Variants in PRKAR2A observed in about 807,000 individuals in gnomAD.
PRKAR2A encodes the protein cAMP-dependent protein kinase type II-alpha regulatory subunit.
In PRKAR2A, 29 loss-of-function variants were observed where a neutral mutation model predicts 51.9. The ratio of observed to expected loss-of-function variants is 0.56; its 90% CI spans 0.42 to 0.76. The LOEUF (loss-of-function observed/expected upper bound fraction) is 0.76, where lower values mean the gene tolerates loss of function less well. PRKAR2A is among the 30% of genes least tolerant of loss of function. PRKAR2A has a pLI of 0.00. For missense variants in PRKAR2A, 445 were observed against 512.1 expected (o/e 0.87, Z 1.26); for synonymous variants, 178 against 186.2 (o/e 0.96, Z 0.36).
Position 48,751,616 on chromosome 3 carries a change from G to C in PRKAR2A, c.1184C>G (p.Ser395Cys). Reference sequence around the variant, plus strand: ...CCCGAGGTTGCCCAGATCCACGCTGGAGCCAAACATCTTCACCAGCTGTTC... The same window carrying C: ...CCCGAGGTTGCCCAGATCCACGCTGCAGCCAAACATCTTCACCAGCTGTTC... ...YEEQLVKMFG[S>C]SVDLGNLGQ is the part of the protein sequence containing the mutation. The change falls in exon 11 of 11, where the codon TCC (serine) becomes TGC (cysteine). Residue 395 changes from serine to cysteine, a missense_variant. By Grantham distance (112) the Ser-to-Cys change is moderately radical (BLOSUM62 -1). Transcript: ENST00000265563. The C allele has an allele frequency of 5.0e-6, 8 of 1,613,406 alleles. No individual in the cohort carries two copies. The highest frequency in any genetic ancestry group is 6.8e-6 in the Non-Finnish European group (8 of 1,179,668).
At chr3:48,810,824 GGTACAGTTATA>G (rs2082759177) in intron 1 of PRKAR2A, among the ~76,000 whole-genome samples, 1 of 151,992 alleles carries the variant, frequency 6.6e-6, no homozygotes, top group Admixed American at 6.6e-5. Context: ...AGGGAATATT[GGTACAGTTATA>G]GTACAAACCT....
At position 48,765,114 on chromosome 3, in the gene PRKAR2A, C is replaced by A. The variant is rs778440809; in HGVS notation, c.799-36G>T. 2.5e-5 allele frequency: 40 copies of A among 1,600,238 alleles called. 1 individual carries two copies. Among genetic ancestry groups the A allele is most frequent in the Non-Finnish European group, 3.3e-5 (39 of 1,167,754 alleles). ...AAATTCACAAATAAAAGGAAAAGAC[C>A]TTAATTGAAAGTCACAATAGCTATG... is the stretch of plus-strand genomic sequence containing the variant. On this transcript the variant is annotated intron_variant, in intron 7 of 10. Transcript: ENST00000265563.
chr3:48,782,905 T>C (rs1411913973), intron 5 of PRKAR2A, 81 bp downstream of exon 5: 2 of 1,045,176 alleles, frequency 1.9e-6, no homozygotes, highest in African/African-American at 3.1e-5. Flanking sequence ...CTGGGCTGAA[T>C]ACAGAATAGG....
intron 6 of PRKAR2A, 101 bp downstream of exon 6, chr3:48,772,853 AG>A: frequency 8.1e-7 from 1 of 1,237,696 alleles, no homozygotes; most frequent in South Asian, 2.0e-5. Context: ...CGTGTTAGCC[AG>A]GATGGCTGTA....
chr3:48,778,814 G>A (rs532862042), intron 5 of PRKAR2A, among the ~76,000 whole-genome samples: 2 of 146,754 alleles, frequency 1.4e-5, no homozygotes, highest in South Asian at 4.3e-4. Flanking sequence ...CACGGTGCTC[G>A]GCCTGCATTT....
At chr3:48,769,478 G>C (rs969304005) in intron 6 of PRKAR2A, among the ~76,000 whole-genome samples, 1 of 149,708 alleles carries the variant, frequency 6.7e-6, no homozygotes, top group Non-Finnish European at 1.5e-5. Flanking sequence ...CTCTTACAGC[G>C]ACTTTTTTTT....
intron 3 of PRKAR2A, among the ~76,000 whole-genome samples, chr3:48,791,710 G>A (rs1445883454): frequency 6.8e-6 from 1 of 148,050 alleles, no homozygotes; most frequent in East Asian, 2.0e-4. Flanking sequence ...TTCGAAACCA[G>A]CCTGACCAAC....
At chr3:48,797,145 C>T (rs2082507959) in intron 2 of PRKAR2A, among the ~76,000 whole-genome samples, 1 of 151,790 alleles carries the variant, frequency 6.6e-6, no homozygotes, top group Non-Finnish European at 1.5e-5. Context: ...CATACCACTC[C>T]CAATTTATTT....
rs559898868 is a variant in PRKAR2A, at chr3:48,756,715, C to CTTCA, written c.874-275_874-272dup. 2.5e-3 allele frequency among the ~76,000 whole-genome samples: 387 copies of CTTCA among 152,326 alleles called. 2 individuals are homozygous for CTTCA. The highest frequency in any genetic ancestry group is 8.4e-3 in the African/African-American group (351 of 41,576). Reference sequence around the variant, plus strand: ...ATACGCGAAGCAGCTTTCAGGCACACTTCAGTTTCTGACCCCTCACTATTA... The same window carrying CTTCA: ...ATACGCGAAGCAGCTTTCAGGCACACTTCATTCAGTTTCTGACCCCTCACTATTA... On this transcript the variant is annotated intron_variant, in intron 8 of 10. Transcript: ENST00000265563.
intron 2 of PRKAR2A, among the ~76,000 whole-genome samples, chr3:48,800,909 G>A (rs1011270260): frequency 2.6e-5 from 4 of 152,086 alleles, no homozygotes; most frequent in South Asian, 2.1e-4. Flanking sequence ...TCCCGACCTC[G>A]TGATCCACCC....
Position 48,746,681 on chromosome 3 carries a change from T to G in PRKAR2A, c.*4904A>C, listed in dbSNP as rs1264369687. 6.6e-6 allele frequency: 1 copy of G among 152,228 alleles called. No homozygotes were observed. Among genetic ancestry groups the G allele is most frequent in the African/African-American group, 2.4e-5 (1 of 41,460 alleles). The allele number at this position is 152,228 out of a possible 1,614,324, so 9.4% of individuals were successfully genotyped here. ...CATCAACCTTGTTTATGGCAAACAG[T>G]GACTTAATTCTTAATGACTGTTCAT... On this transcript the variant is annotated 3_prime_UTR_variant, in exon 11 of 11. Transcript: ENST00000265563.
rs550986733 is a variant in PRKAR2A, at chr3:48,815,862, T to C, written c.263-8178A>G. On this transcript the variant is annotated intron_variant, in intron 1 of 10. Coordinates refer to ENST00000265563, the MANE Select transcript of PRKAR2A (RefSeq NM_004157.4). ...GGTGAAACCCCATCTCTACTAAAAATAAAAAAATTAGCTGGGCGTGGTGGC... is the reference window on the plus strand; with the variant it reads ...GGTGAAACCCCATCTCTACTAAAAACAAAAAAATTAGCTGGGCGTGGTGGC... Among the ~76,000 whole-genome samples, 13 of 139,390 alleles carry C rather than the reference T, an allele frequency of 9.3e-5. No individual in the cohort carries two copies. In the Middle Eastern group the frequency reaches 0.022, roughly 233 times the overall value. 91.4% of individuals were successfully genotyped at this position (139,390 alleles called of 152,430 possible).
chr3:48,842,390 C>T (rs897139495), intron 1 of PRKAR2A, among the ~76,000 whole-genome samples: 5 of 152,158 alleles, frequency 3.3e-5, no homozygotes, highest in Admixed American at 6.6e-5. Context: ...CTTTTCCTAA[C>T]TGAATAGCCT....
In PRKAR2A at chr3:48,789,947, T is replaced by G. The variant is rs146825950; in HGVS notation, c.435+597A>C. ...TCTTTTCTTTCTTTTCTCTCTCTCTTTCTTCCTTTCTTTCCTTAAGTTTCT... is the reference window on the plus strand; with the variant it reads ...TCTTTTCTTTCTTTTCTCTCTCTCTGTCTTCCTTTCTTTCCTTAAGTTTCT... On this transcript the variant is annotated intron_variant, in intron 4 of 10. Transcript: ENST00000265563. 3.1e-3 allele frequency among the ~76,000 whole-genome samples: 473 copies of G among 152,166 alleles called. 5 individuals carry two copies. The highest frequency in any genetic ancestry group is 0.011 in the African/African-American group (449 of 41,540).
At chr3:48,838,876 C>T (rs1318947406) in intron 1 of PRKAR2A, among the ~76,000 whole-genome samples, 7 of 151,508 alleles carry the variant, frequency 4.6e-5, no homozygotes, top group South Asian at 2.1e-4. Flanking sequence ...CCCAGCTACT[C>T]GGGAGGCTGA....
chr3:48,765,567 T>C (rs903770434), intron 6 of PRKAR2A, among the ~76,000 whole-genome samples: 6 of 151,982 alleles, frequency 3.9e-5, no homozygotes, highest in South Asian at 2.1e-4. Flanking sequence ...TAGCACTCAA[T>C]AGGTGCCACC....
chr3:48,753,097 T>C (rs1168788587), intron 9 of PRKAR2A, among the ~76,000 whole-genome samples: 1 of 151,558 alleles, frequency 6.6e-6, no homozygotes, highest in African/African-American at 2.4e-5. Flanking sequence ...CACGCCTGGC[T>C]AATTTTTTTG....
At position 48,762,831 on chromosome 3, in the gene PRKAR2A, C is replaced by T. The variant is rs540905033; in HGVS notation, c.873+2173G>A. Among the ~76,000 whole-genome samples the T allele has an allele frequency of 3.9e-5, 6 of 152,148 alleles. No individual in the cohort carries two copies. In the South Asian group the frequency reaches 1.2e-3, roughly 32 times the overall value. ...AATAAAAAGGAACGATCTACTGATA[C>T]ATACAACACGAATAAATCTCAAAAA... On this transcript the variant is annotated intron_variant, in intron 8 of 10. Coordinates refer to ENST00000265563, the MANE Select transcript of PRKAR2A (RefSeq NM_004157.4).
chr3:48,794,341 G>C (rs1391572581), intron 2 of PRKAR2A, among the ~76,000 whole-genome samples: 1 of 151,416 alleles, frequency 6.6e-6, no homozygotes. Context: ...AGTAGGGATG[G>C]GGTTTCACCA....
Sources: allele counts gnomAD v4.1 joint callset (sites outside exome capture counted in the v4.1 genomes callset), GRCh38; gene constraint gnomAD v4.1.1; transcripts MANE v1.5; gene names NCBI Gene and HGNC (gene_info 2026-07-23, HGNC 2026-07-21).